ZFC3H1: variants seen among roughly 807,000 people sequenced by gnomAD.
ZFC3H1 encodes the protein zinc finger C3H1-type containing.
In ZFC3H1, 71 loss-of-function variants were observed where a neutral mutation model predicts 243.7. That is an observed-to-expected ratio of 0.29 (90% CI 0.24 to 0.36). ZFC3H1 has a LOEUF of 0.36. Among genes scored for constraint, ZFC3H1 ranks in the 10% least tolerant of loss-of-function variants. ZFC3H1 has a pLI of 1.00. For synonymous variants in ZFC3H1, 838 were observed against 813.0 expected, an observed-to-expected ratio of 1.03 and a Z score of -0.52; for missense variants, 1,966 against 2,317.1, an observed-to-expected ratio of 0.85 and a Z score of 3.11.
At position 71,663,475 on chromosome 12, in the gene ZFC3H1, CGCTGCTGCT is replaced by C. The variant is rs762742525; in HGVS notation, c.127_135del (p.Ser43_Ser45del). 2 of 1,612,764 alleles carry C rather than the reference CGCTGCTGCT, an allele frequency of 1.2e-6. No individual in the cohort carries two copies. Among genetic ancestry groups the C allele is most frequent in the Non-Finnish European group, 1.7e-6 (2 of 1,179,978 alleles). On this transcript the variant is annotated inframe_deletion, in exon 1 of 35. Transcript: ENST00000378743. Reference sequence around the variant, plus strand: ...CGCGGATAGGGTAACAGCCCGCCGCCGCTGCTGCTGCTGCTGCTCCGACTCCGTATCTGG... The same window carrying C: ...CGCGGATAGGGTAACAGCCCGCCGCCGCTGCTGCTCCGACTCCGTATCTGG...
rs189321459 is a variant in ZFC3H1, at chr12:71,631,152, C to A, written c.3471-198G>T. On this transcript the variant is annotated intron_variant, in intron 16 of 34. Transcript: ENST00000378743. ...GGGATAGAAACAAGTTGCTTTTATACCAAGAACATAAAATAGTTTAAACAG... is the reference window on the plus strand; with the variant it reads ...GGGATAGAAACAAGTTGCTTTTATAACAAGAACATAAAATAGTTTAAACAG... 8.4e-4 allele frequency among the ~76,000 whole-genome samples: 128 copies of A among 152,032 alleles called. 1 individual carries two copies. Among genetic ancestry groups the A allele is most frequent in the African/African-American group, 2.8e-3 (118 of 41,522 alleles).
At position 71,635,556 on chromosome 12, in the gene ZFC3H1, C is replaced by T. The variant is rs575092758; in HGVS notation, c.2125G>A (p.Val709Ile). Residue 709 changes from valine (V) to isoleucine (I), a missense_variant, in exon 10 of 35, where the codon GTA becomes ATA. Physicochemically the swap from Val to Ile is conservative, Grantham distance 29. Transcript: ENST00000378743. ...CTATCATCTGAATCATTTAGTGTTA[C>T]AACCACTGATTTATGCTTTGGAAGC... ...ISLPKHKSVVVTLNDSDDSES... is the reference protein window; with the variant it reads ...ISLPKHKSVVITLNDSDDSES... The T allele has an allele frequency of 7.1e-6, 11 of 1,552,836 alleles. 1 individual carries two copies. In the East Asian group the frequency reaches 2.6e-4, roughly 37 times the overall value.
At chr12:71,654,269 G>A (rs1149020) in intron 2 of ZFC3H1, among the ~76,000 whole-genome samples, 75,940 of 151,780 alleles carry the variant, frequency 0.5, 22,142 homozygotes, top group Middle Eastern at 0.71. Flanking sequence ...CTGAGACCCC[G>A]TCTCTACAGA....
chr12:71,625,185 T>C (rs1337991632), intron 22 of ZFC3H1, among the ~76,000 whole-genome samples: 4 of 152,122 alleles, frequency 2.6e-5, no homozygotes, highest in African/African-American at 9.7e-5. Context: ...GAGTAAGAAA[T>C]AGAGTAGCAA....
intron 31 of ZFC3H1, 85 bp from the exon 32 acceptor site, chr12:71,611,972 T>C (rs530323908): frequency 9.6e-6 from 7 of 730,704 alleles, no homozygotes; most frequent in African/African-American, 9.2e-5. Flanking sequence ...TGACGAAGTA[T>C]AAATTTTGAT....
chr12:71,638,493 T>C lies in ZFC3H1; in HGVS notation c.1650A>G (p.Pro550=). 1 of 1,611,642 alleles carries C rather than the reference T, an allele frequency of 6.2e-7. No homozygotes were observed. The highest frequency in any genetic ancestry group is 1.1e-5 in the South Asian group (1 of 90,502). ...ACCCCAATGAACATTCAGAGAAAAA[T>C]GGCGGTTGCACTGGTGAAGGAGCTG... ...SSPAPSPVQP[P]FFSECSLGYF... Residue 550 remains proline (P), a synonymous_variant, in exon 7 of 35, where the codon CCA becomes CCG. Transcript: ENST00000378743.
At chr12:71,632,794 CAA>C (rs1410376625) in intron 14 of ZFC3H1, 90 bp downstream of exon 14, 13 of 1,509,512 alleles carry the variant, frequency 8.6e-6, no homozygotes, top group Admixed American at 4.9e-5. Context: ...GAATTTACAG[CAA>C]AGAGTTACTT....
At chr12:71,642,653 C>A (rs1411811051) in intron 5 of ZFC3H1, 94 bp from the exon 6 acceptor site, 3 of 1,414,710 alleles carry the variant, frequency 2.1e-6, no homozygotes, top group African/African-American at 1.4e-5. Context: ...GGAAGAGTAT[C>A]AAAAATCATG....
chr12:71,630,742 G>A, intron 17 of ZFC3H1, 21 bp from the exon 18 acceptor site: 1 of 1,603,478 alleles, frequency 6.2e-7, no homozygotes, highest in South Asian at 1.1e-5. Flanking sequence ...AAAAAACACA[G>A]AAAAGATAAT....
At chr12:71,660,900 G>C (rs909899029) in intron 1 of ZFC3H1, among the ~76,000 whole-genome samples, 1 of 151,736 alleles carries the variant, frequency 6.6e-6, no homozygotes, top group East Asian at 1.9e-4. Context: ...ATCTCTTGAA[G>C]CTACAAGTTC....
In ZFC3H1 at chr12:71,644,261, T is replaced by TTTTGTTGTG; in HGVS notation, c.1336_1337insCACAACAAA (p.Gln445_Lys446insThrGlnGln). 6.2e-7 allele frequency: 1 copy of TTTTGTTGTG among 1,613,368 alleles called. No individual in the cohort carries two copies. Among genetic ancestry groups the TTTTGTTGTG allele is most frequent in the Non-Finnish European group, 8.5e-7 (1 of 1,179,626 alleles). On this transcript the variant is annotated inframe_insertion, in exon 5 of 35. Coordinates refer to ENST00000378743, the MANE Select transcript of ZFC3H1 (RefSeq NM_144982.5). ...CTCTTCTTTCTGTCTTTCCTGCTCT[T>TTTTGTTGTG]TTTGTTGTTGTAGTTTCTTCCATGC...
At position 71,658,532 on chromosome 12, in the gene ZFC3H1, G is replaced by A. The variant is rs149359425; in HGVS notation, c.599-1231C>T. On this transcript the variant is annotated intron_variant, in intron 1 of 34. Transcript: ENST00000378743. ...TTGAAATCCTGACCTCAGGTAATCC[G>A]CCCACCTTGACCTCCCAAAGTGCCG... Among the ~76,000 whole-genome samples, 1,001 of 151,728 alleles carry A rather than the reference G, an allele frequency of 6.6e-3. 13 individuals carry two copies. The highest frequency in any genetic ancestry group is 0.022 in the African/African-American group (914 of 41,334).
chr12:71,650,703 A>C (rs1190601983), intron 2 of ZFC3H1, among the ~76,000 whole-genome samples: 1 of 152,234 alleles, frequency 6.6e-6, no homozygotes, highest in Non-Finnish European at 1.5e-5. Context: ...CAAAATTTCA[A>C]GGGAAGAAAC....
rs551028086 is a variant in ZFC3H1 at position 71,637,816 on chromosome 12, A to G, written c.1725+602T>C. On this transcript the variant is annotated intron_variant, in intron 7 of 34. Coordinates refer to ENST00000378743, the MANE Select transcript of ZFC3H1 (RefSeq NM_144982.5). ...CTCTTACACCTACTGAGAGATACTCAATTTGATCTCTAGGTCCTCTCAATC... is the reference window on the plus strand; with the variant it reads ...CTCTTACACCTACTGAGAGATACTCGATTTGATCTCTAGGTCCTCTCAATC... 5.1e-4 allele frequency among the ~76,000 whole-genome samples: 78 copies of G among 152,280 alleles called. 1 individual carries two copies. Among genetic ancestry groups the G allele is most frequent in the Non-Finnish European group, 8.4e-4 (57 of 68,010 alleles).
At chr12:71,652,556 A>T (rs888771859) in intron 2 of ZFC3H1, among the ~76,000 whole-genome samples, 12 of 152,210 alleles carry the variant, frequency 7.9e-5, no homozygotes, top group African/African-American at 2.9e-4. Flanking sequence ...AGTGGAAAAG[A>T]TTCATCTTTC....
chr12:71,647,958 C>T lies in ZFC3H1; in HGVS notation c.1016-145G>A, dbSNP rs1187131339. ...TCAATCTCTCAACCAAAAGGAAATACCATTAAAGAGAATGAAAATCTGAAC... is the reference window on the plus strand; with the variant it reads ...TCAATCTCTCAACCAAAAGGAAATATCATTAAAGAGAATGAAAATCTGAAC... On this transcript the variant is annotated intron_variant, in intron 2 of 34. Transcript: ENST00000378743. 3 of 384,658 alleles carry T rather than the reference C, an allele frequency of 7.8e-6. 1 individual carries two copies. The highest frequency in any genetic ancestry group is 4.2e-5 in the East Asian group (1 of 23,640). The allele number at this position is 384,658 out of a possible 1,614,324, so 23.8% of individuals were successfully genotyped here. A position where few individuals can be genotyped will look rare whatever the true frequency, so the allele number is the denominator to read the frequency against.
Position 71,610,308 on chromosome 12 carries a change from T to C in ZFC3H1, c.*120A>G. 3.3e-6 allele frequency: 4 copies of C among 1,199,880 alleles called. No individual in the cohort carries two copies. The highest frequency in any genetic ancestry group is 3.5e-6 in the Non-Finnish European group (3 of 855,338). 74.3% of individuals were successfully genotyped at this position (1,199,880 alleles called of 1,614,324 possible). On this transcript the variant is annotated 3_prime_UTR_variant, in exon 35 of 35. Transcript: ENST00000378743. ...ACAGGATATTGTAGGGAACTTGATA[T>C]GATCAATAACGCTTGTCTGCCTTAC...
chr12:71,621,367 G>C (rs1266007939), intron 24 of ZFC3H1, among the ~76,000 whole-genome samples: 1 of 149,966 alleles, frequency 6.7e-6, no homozygotes, highest in Non-Finnish European at 1.5e-5. Context: ...GCAGTGGCAC[G>C]ACCTCGGCTC....
At chr12:71,616,979 TCTAC>T (rs1879907857) in intron 27 of ZFC3H1, among the ~76,000 whole-genome samples, 1 of 152,184 alleles carries the variant, frequency 6.6e-6, no homozygotes, top group South Asian at 2.1e-4. Context: ...TTTCTGGCTA[TCTAC>T]TTAATCTTCA....
Sources: gnomAD v4.1 joint callset for allele counts (sites outside exome capture counted in the v4.1 genomes callset) on GRCh38, gnomAD v4.1.1 for gene constraint, MANE v1.5 for transcripts, NCBI Gene and HGNC (gene_info 2026-07-23, HGNC 2026-07-21) for gene names.